RAB11FIP3: variants seen among roughly 807,000 people sequenced by gnomAD.
RAB11FIP3 encodes rab11 family-interacting protein 3.
In RAB11FIP3, 17 loss-of-function variants were observed where a neutral mutation model predicts 77.8. That is an observed-to-expected ratio of 0.22 (90% CI 0.15 to 0.33). The LOEUF is 0.33. Among genes scored for constraint, RAB11FIP3 ranks in the 10% least tolerant of loss-of-function variants. The pLI is 1.00. For synonymous variants in RAB11FIP3, 437 were observed against 448.2 expected (o/e 0.98, Z 0.31); for missense variants, 1,005 against 1,011.2 (o/e 0.99, Z 0.08).
chr16:479,711 A>G (rs1313401890), intron 3 of RAB11FIP3, among the ~76,000 whole-genome samples: 1 of 152,076 alleles, frequency 6.6e-6, no homozygotes, highest in Non-Finnish European at 1.5e-5. Context: ...TCACTTGAGC[A>G]CAGGAGTTCA....
At chr16:509,029 G>A (rs1031743779) in intron 8 of RAB11FIP3, among the ~76,000 whole-genome samples, 3 of 151,410 alleles carry the variant, frequency 2.0e-5, no homozygotes, top group Non-Finnish European at 2.9e-5. Context: ...TCAGCCTCCC[G>A]AGTAGCTGGG....
At chr16:455,571 A>C (rs1384778457) in intron 1 of RAB11FIP3, among the ~76,000 whole-genome samples, 3 of 151,958 alleles carry the variant, frequency 2.0e-5, no homozygotes. Flanking sequence ...TGACTGGAGC[A>C]GGTGCTCCCT....
intron 5 of RAB11FIP3, among the ~76,000 whole-genome samples, chr16:491,800 T>TG (rs2030219633): frequency 6.6e-6 from 1 of 152,280 alleles, no homozygotes; most frequent in African/African-American, 2.4e-5. Context: ...ACGTGCCCGT[T>TG]GGGCATCGTG....
At chr16:477,448 G>A (rs142298908) in intron 3 of RAB11FIP3, among the ~76,000 whole-genome samples, 4 of 152,174 alleles carry the variant, frequency 2.6e-5, no homozygotes, top group South Asian at 2.1e-4. Flanking sequence ...CCCTCAAACC[G>A]TCTCGGACCT....
rs2031925817 is a variant in RAB11FIP3, at chr16:507,343, CCT to C, written c.1499+1717_1499+1718del. ...GACCAGGCTGGTCTTGAACTCCTGACCTTGTGATCTGCCTGCCTCAGCCTCCC... is the reference window on the plus strand; with the variant it reads ...GACCAGGCTGGTCTTGAACTCCTGACTGTGATCTGCCTGCCTCAGCCTCCC... On this transcript the variant is annotated intron_variant, in intron 8 of 13. Transcript: ENST00000262305. This position sits in a 1 kb window ranked among gnomAD's most constrained non-coding sequence, Gnocchi z 4.6. Among the ~76,000 whole-genome samples, 1 of 152,178 alleles carries C rather than the reference CCT, an allele frequency of 6.6e-6. No individual in the cohort carries two copies. The highest frequency in any genetic ancestry group is 1.9e-4 in the East Asian group (1 of 5,188).
intron 2 of RAB11FIP3, among the ~76,000 whole-genome samples, chr16:468,643 A>G (rs1415938965): frequency 6.6e-6 from 1 of 152,116 alleles, no homozygotes; most frequent in African/African-American, 2.4e-5. Flanking sequence ...GGGAAGCACA[A>G]GGAGGCTTTC....
intron 5 of RAB11FIP3, among the ~76,000 whole-genome samples, chr16:492,397 C>T (rs867717547): frequency 3.1e-5 from 4 of 127,834 alleles, no homozygotes; most frequent in Admixed American, 7.5e-5. Context: ...GAGCCCTCCC[C>T]GGGAGACCCG....
chr16:438,064 C>T (rs918351548), intron 1 of RAB11FIP3, among the ~76,000 whole-genome samples: 15 of 151,918 alleles, frequency 9.9e-5, no homozygotes, highest in Non-Finnish European at 1.8e-4. Context: ...CCACCTTGGC[C>T]TCCCAAAGTG....
chr16:492,766 G>A lies in RAB11FIP3; in HGVS notation c.1265+3766G>A, dbSNP rs117569769. The stretch of plus-strand genomic sequence containing the variant: ...AAGTAAGCCTGAAGACTCAGGTCTC[G>A]TCTCTCATTTTCTGAAGATTTTTGA... On this transcript the variant is annotated intron_variant, in intron 5 of 13. Coordinates refer to ENST00000262305, the MANE Select transcript of RAB11FIP3 (RefSeq NM_014700.4). Among the ~76,000 whole-genome samples the A allele has an allele frequency of 9.7e-3, 1,480 of 152,198 alleles. 8 individuals carry two copies. The highest frequency in any genetic ancestry group is 0.013 in the Non-Finnish European group (893 of 68,010).
chr16:499,835 C>T (rs2031394564), intron 6 of RAB11FIP3, among the ~76,000 whole-genome samples: 1 of 146,856 alleles, frequency 6.8e-6, no homozygotes, highest in Non-Finnish European at 1.5e-5. Context: ...CTGCAGTTAT[C>T]TGTCGTTAGA....
intron 9 of RAB11FIP3, among the ~76,000 whole-genome samples, chr16:512,354 C>T (rs754096850): frequency 3.0e-4 from 45 of 151,826 alleles, no homozygotes; most frequent in Non-Finnish European, 5.6e-4. Context: ...CATTCTCCCG[C>T]CTCAGCCTCC....
intron 9 of RAB11FIP3, among the ~76,000 whole-genome samples, chr16:517,774 C>T (rs1410448065): frequency 1.3e-5 from 2 of 151,986 alleles, no homozygotes; most frequent in Non-Finnish European, 2.9e-5. Flanking sequence ...TCTGCTACTT[C>T]TTTTTTTCTT....
At chr16:476,258 G>A (rs576326283) in intron 3 of RAB11FIP3, among the ~76,000 whole-genome samples, 97 of 152,352 alleles carry the variant, frequency 6.4e-4, no homozygotes, top group African/African-American at 2.2e-3. Context: ...GGGAGTCTGA[G>A]TTTGTGTAGA....
At chr16:492,678 C>T (rs1020419036) in intron 5 of RAB11FIP3, among the ~76,000 whole-genome samples, 2 of 152,226 alleles carry the variant, frequency 1.3e-5, no homozygotes, top group Non-Finnish European at 2.9e-5. Context: ...GTTCTTCCCA[C>T]GCAGAGACTT....
chr16:463,430 G>GTTTTTTTTTTT (rs142875972), intron 2 of RAB11FIP3, among the ~76,000 whole-genome samples: 1 of 82,260 alleles, frequency 1.2e-5, no homozygotes, highest in South Asian at 4.1e-4. Flanking sequence ...TTGTTCCCCG[G>GTTTTTTTTTTT]TTTTTTTTTT....
chr16:489,083 A>G, intron 5 of RAB11FIP3, 83 bp downstream of exon 5: 1 of 1,422,122 alleles, frequency 7.0e-7, no homozygotes, highest in Non-Finnish European at 9.2e-7. Context: ...TGGTTCGTGC[A>G]TTGGTGAGAG....
intron 9 of RAB11FIP3, among the ~76,000 whole-genome samples, chr16:511,502 G>A (rs1196981495): frequency 1.9e-5 from 2 of 106,488 alleles, no homozygotes; most frequent in Non-Finnish European, 3.7e-5. Context: ...CCGACGGCCC[G>A]CCAACCCCAG....
chr16:452,940 G>T (rs2055433222), intron 1 of RAB11FIP3, among the ~76,000 whole-genome samples: 1 of 63,690 alleles, frequency 1.6e-5, no homozygotes, highest in Non-Finnish European at 3.1e-5. Context: ...ATTTTTAGTA[G>T]AGATGGGGTT....
At chr16:476,639 C>T (rs899047649) in intron 3 of RAB11FIP3, among the ~76,000 whole-genome samples, 3 of 151,882 alleles carry the variant, frequency 2.0e-5, no homozygotes, top group South Asian at 2.1e-4. Context: ...AGGTCAGGTG[C>T]GGTGGCTCAT....
Sources: allele counts gnomAD v4.1 joint callset (sites outside exome capture counted in the v4.1 genomes callset), GRCh38; gene constraint gnomAD v4.1.1; non-coding constraint Gnocchi (gnomAD v3.1); transcripts MANE v1.5; gene names NCBI Gene and HGNC (gene_info 2026-07-23, HGNC 2026-07-21).